The following GRXCR1 variants were observed in gnomAD, a reference collection of about 807,000 sequenced individuals.
GRXCR1 encodes the protein glutaredoxin domain-containing cysteine-rich protein 1.
Under a neutral mutation model 27.3 loss-of-function variants are expected in GRXCR1, and 27 were observed. The observed-to-expected ratio is 0.99, with a 90% confidence interval of 0.73 to 1.37. The LOEUF is 1.37. GRXCR1 is among the 40% of genes most tolerant of loss of function. GRXCR1 has a pLI of 0.00. For missense variants in GRXCR1, 379 were observed against 354.4 expected (o/e 1.07, Z -0.56); for synonymous variants, 122 against 131.1 (o/e 0.93, Z 0.47).
At chr4:42,938,790 T>C (rs1320057920) in intron 1 of GRXCR1, among the ~76,000 whole-genome samples, 1 of 152,002 alleles carries the variant, frequency 6.6e-6, no homozygotes, top group Non-Finnish European at 1.5e-5. Flanking sequence ...TTTCCACACA[T>C]TTGCTGAAAA....
intron 2 of GRXCR1, among the ~76,000 whole-genome samples, chr4:42,969,893 A>G (rs1748345056): frequency 6.6e-6 from 1 of 152,118 alleles, no homozygotes; most frequent in Admixed American, 6.5e-5. Context: ...CTCATTTGAG[A>G]CAAGACAACT....
intron 1 of GRXCR1, among the ~76,000 whole-genome samples, chr4:42,953,695 G>T (rs190955805): frequency 1.3e-5 from 2 of 152,238 alleles, no homozygotes; most frequent in Non-Finnish European, 2.9e-5. Context: ...GTGTAATTAT[G>T]AGGTTAAAGT....
At chr4:42,894,521 A>T (rs1264906848) in intron 1 of GRXCR1, among the ~76,000 whole-genome samples, 2 of 152,094 alleles carry the variant, frequency 1.3e-5, no homozygotes, top group African/African-American at 4.8e-5. Flanking sequence ...AAATAAAATG[A>T]TCTCTTGTGA....
chr4:43,019,007 T>G (rs1713017073), intron 2 of GRXCR1, among the ~76,000 whole-genome samples: 1 of 152,188 alleles, frequency 6.6e-6, no homozygotes, highest in Admixed American at 6.5e-5. Context: ...ACATTTTTTA[T>G]GGTGATTATG....
At chr4:42,943,382 T>C (rs1302595203) in intron 1 of GRXCR1, among the ~76,000 whole-genome samples, 1 of 152,104 alleles carries the variant, frequency 6.6e-6, no homozygotes, top group Non-Finnish European at 1.5e-5. Context: ...GGAAAGGAAC[T>C]CTGATGTCTT....
chr4:42,932,607 TATATATATATATAGAGAGAGAGAGAG>T (rs1308558109), intron 1 of GRXCR1, among the ~76,000 whole-genome samples: 13 of 55,330 alleles, frequency 2.3e-4, no homozygotes, highest in African/African-American at 6.2e-4. Context: ...TATATATATA[TATATATATATATAGAGAGAGAGAGAG>T]AGAGAGAGAG....
intron 1 of GRXCR1, among the ~76,000 whole-genome samples, chr4:42,912,955 A>T (rs1467036024): frequency 6.6e-6 from 1 of 152,156 alleles, no homozygotes; most frequent in Non-Finnish European, 1.5e-5. Flanking sequence ...AGGGGGTTTT[A>T]TAAGTGAAGA....
chr4:42,923,716 C>T (rs1251958491), intron 1 of GRXCR1, among the ~76,000 whole-genome samples: 1 of 151,882 alleles, frequency 6.6e-6, no homozygotes, highest in Non-Finnish European at 1.5e-5. Flanking sequence ...AAAACCAAAT[C>T]CTCAAAAAAT....
intron 1 of GRXCR1, among the ~76,000 whole-genome samples, chr4:42,937,750 G>C (rs1393990457): frequency 1.3e-5 from 2 of 151,736 alleles, no homozygotes; most frequent in African/African-American, 2.4e-5. Context: ...TCATATACAT[G>C]TATAGCAATT....
intron 2 of GRXCR1, among the ~76,000 whole-genome samples, chr4:43,015,438 C>G (rs1211225153): frequency 6.6e-6 from 1 of 152,012 alleles, no homozygotes; most frequent in Non-Finnish European, 1.5e-5. Flanking sequence ...GGAGCCATTT[C>G]TGTAATAACA....
chr4:42,970,440 T>A lies in GRXCR1; in HGVS notation c.627+7306T>A, dbSNP rs553963402. ...CTGGACATCCAGGCGTTTCCTTATA[T>A]CCTCTGAAATCTAAGAGGAGGTTCC... On this transcript the variant is annotated intron_variant, in intron 2 of 3. Transcript: ENST00000399770. Among the ~76,000 whole-genome samples the A allele has an allele frequency of 2.6e-5, 4 of 152,274 alleles. No individual in the cohort carries two copies. The South Asian group carries it at 8.3e-4, about 32-fold the overall frequency.
Position 42,990,075 on chromosome 4 carries a change from G to A in GRXCR1, c.627+26941G>A, listed in dbSNP as rs529735125. On this transcript the variant is annotated intron_variant, in intron 2 of 3. Transcript: ENST00000399770. ...AGATTTTTCTGCCTTTTTTGTTTCA[G>A]GAATCAATTCTGTTTTGGTCTTTAT... Among the ~76,000 whole-genome samples the A allele has an allele frequency of 3.3e-5, 5 of 150,120 alleles. No homozygotes were observed. In the East Asian group the frequency reaches 1.0e-3, roughly 30 times the overall value.
At chr4:42,898,348 C>T (rs931771084) in intron 1 of GRXCR1, among the ~76,000 whole-genome samples, 1 of 151,798 alleles carries the variant, frequency 6.6e-6, no homozygotes, top group Non-Finnish European at 1.5e-5. Context: ...TCTATAACAT[C>T]GTTTGATTAA....
intron 2 of GRXCR1, among the ~76,000 whole-genome samples, chr4:42,981,650 A>G (rs540318568): frequency 2.0e-5 from 3 of 152,224 alleles, no homozygotes; most frequent in African/African-American, 7.2e-5. Flanking sequence ...GCTTTTGTGC[A>G]TCTGGGAAAG....
intron 2 of GRXCR1, among the ~76,000 whole-genome samples, chr4:43,009,051 C>G (rs988412854): frequency 6.6e-6 from 1 of 152,204 alleles, no homozygotes; most frequent in Non-Finnish European, 1.5e-5. Flanking sequence ...TCAATCACAG[C>G]AACCTTGTAT....
At chr4:42,982,520 G>T (rs1256239240) in intron 2 of GRXCR1, among the ~76,000 whole-genome samples, 1 of 118,516 alleles carries the variant, frequency 8.4e-6, no homozygotes, top group African/African-American at 3.3e-5. Context: ...AAACATACGT[G>T]TGCATGTGTC....
chr4:42,968,770 A>T (rs1042490808), intron 2 of GRXCR1, among the ~76,000 whole-genome samples: 19 of 152,084 alleles, frequency 1.2e-4, no homozygotes, highest in Non-Finnish European at 4.4e-5. Context: ...TCCTTTTCAA[A>T]GAGTTTTTTT....
chr4:42,985,908 G>A (rs1488655085), intron 2 of GRXCR1, among the ~76,000 whole-genome samples: 2 of 152,040 alleles, frequency 1.3e-5, no homozygotes, highest in African/African-American at 4.8e-5. Context: ...AAGGGAAAAT[G>A]CATATATTTT....
chr4:42,974,708 G>T (rs555190080), intron 2 of GRXCR1, among the ~76,000 whole-genome samples: 2 of 152,058 alleles, frequency 1.3e-5, no homozygotes, highest in East Asian at 3.9e-4. Flanking sequence ...GGTAAGAGTC[G>T]GGATTAGAGG....
Sources: allele counts gnomAD v4.1 joint callset (sites outside exome capture counted in the v4.1 genomes callset), GRCh38; gene constraint gnomAD v4.1.1; transcripts MANE v1.5; gene names NCBI Gene and HGNC (gene_info 2026-07-23, HGNC 2026-07-21).